The following PCDHA1 variants were observed in gnomAD, a reference collection of about 807,000 sequenced individuals.
The protein encoded by PCDHA1 is protocadherin alpha-1.
A neutral mutation model predicts 61.3 loss-of-function variants in PCDHA1; 42 were observed. That is an observed-to-expected ratio of 0.69 (90% confidence interval 0.54 to 0.89). PCDHA1 has a LOEUF of 0.89. Ranked by LOEUF, PCDHA1 falls within the 40% of genes least tolerant of loss-of-function variation. The probability of loss-of-function intolerance (pLI) is 0.00; values close to 1 mark genes in which losing one functional copy is unlikely to be tolerated. For missense variants in PCDHA1, 1,256 were observed against 1,235.3 expected, an observed-to-expected ratio of 1.02 and a Z score of -0.25; for synonymous variants, 610 against 553.8, an observed-to-expected ratio of 1.10 and a Z score of -1.43.
Position 140,858,304 on chromosome 5 carries a change from G to A in PCDHA1, c.2394+69620G>A, listed in dbSNP as rs1370473412. 5 of 1,597,320 alleles carry A rather than the reference G, an allele frequency of 3.1e-6. No homozygotes were observed. In the African/African-American group the frequency reaches 6.7e-5, roughly 21 times the overall value. ...GGAGCTGGTCTTACTCGCAGCAGAG[G>A]CGGCAGAGGGTGTGTTCTGGGGAGG... On this transcript the variant is annotated intron_variant, in intron 1 of 3. Transcript: ENST00000504120.
At chr5:140,800,150 G>A (rs569709959) in intron 1 of PCDHA1, among the ~76,000 whole-genome samples, 10 of 152,048 alleles carry the variant, frequency 6.6e-5, no homozygotes, top group Non-Finnish European at 1.3e-4. Context: ...AGTATATACA[G>A]GTAAATTCAA....
At chr5:140,949,181 A>G (rs2094350223) in intron 1 of PCDHA1, among the ~76,000 whole-genome samples, 2 of 151,604 alleles carry the variant, frequency 1.3e-5, no homozygotes, top group Non-Finnish European at 3.0e-5. Context: ...CAGAGAACAT[A>G]CTCTGCATGA....
intron 1 of PCDHA1, chr5:140,927,559 G>C: frequency 6.2e-7 from 1 of 1,614,170 alleles, no homozygotes; most frequent in Non-Finnish European, 8.5e-7. Flanking sequence ...CACCATCATT[G>C]TGGTGGACAC....
At chr5:140,823,924 T>A in intron 1 of PCDHA1, 1 of 1,613,970 alleles carries the variant, frequency 6.2e-7, no homozygotes, top group East Asian at 2.2e-5. Context: ...GCTGCTGCTG[T>A]ACACCGCGCT....
At chr5:140,865,558 T>C (rs991717581) in intron 1 of PCDHA1, 1 of 152,224 alleles carries the variant, frequency 6.6e-6, no homozygotes, top group Non-Finnish European at 1.5e-5. Flanking sequence ...AGAGCCAATA[T>C]TGATCAGTAA....
chr5:140,927,933 C>G (rs1273187123), intron 1 of PCDHA1: 2 of 1,614,208 alleles, frequency 1.2e-6, no homozygotes, highest in East Asian at 4.5e-5. Context: ...CTCTTTCGAA[C>G]CCAGTACCTG....
At chr5:140,836,614 C>G in intron 1 of PCDHA1, 1 of 1,613,584 alleles carries the variant, frequency 6.2e-7, no homozygotes, top group Non-Finnish European at 8.5e-7. Context: ...TGCTCCAGCG[C>G]GGTGGGGAGC....
chr5:140,850,081 A>G, intron 1 of PCDHA1: 1 of 1,596,386 alleles, frequency 6.3e-7, no homozygotes, highest in South Asian at 1.1e-5. Context: ...GAGGAGCTGG[A>G]GCTGCTACAG....
chr5:140,875,172 C>A (rs999085761), intron 1 of PCDHA1: 1 of 386,866 alleles, frequency 2.6e-6, no homozygotes. Context: ...AAAGTCGAAA[C>A]ATTAGAATTA....
chr5:140,966,953 C>A, intron 1 of PCDHA1: 1 of 1,603,802 alleles, frequency 6.2e-7, no homozygotes. Flanking sequence ...CAACGTGGCT[C>A]GCGCGCTGGG....
chr5:140,827,876 G>C (rs2150149560), intron 1 of PCDHA1: 2 of 646,280 alleles, frequency 3.1e-6, no homozygotes, highest in Non-Finnish European at 5.3e-6. Flanking sequence ...GCACTGTTAC[G>C]TGAATTGATT....
At chr5:140,835,924 GC>G (rs1243160712) in intron 1 of PCDHA1, 2 of 1,612,294 alleles carry the variant, frequency 1.2e-6, no homozygotes, top group Non-Finnish European at 1.7e-6. Flanking sequence ...CACGCGGAGA[GC>G]GGCAAGGTGT....
Position 140,809,179 on chromosome 5 carries a change from T to C in PCDHA1, c.2394+20495T>C, listed in dbSNP as rs782035761. 8.7e-6 allele frequency: 14 copies of C among 1,613,886 alleles called. No homozygotes were observed. In the African/African-American group the frequency reaches 9.3e-5, roughly 11 times the overall value. ...AGCCCGCGCTGACGGCCACGGCCAC[T>C]GTGCTGGTGTCACTTGTGGAGAGTG... On this transcript the variant is annotated intron_variant, in intron 1 of 3. Transcript: ENST00000504120.
chr5:140,793,359 A>G (rs1272541250), intron 1 of PCDHA1, among the ~76,000 whole-genome samples: 5 of 152,170 alleles, frequency 3.3e-5, no homozygotes, highest in Non-Finnish European at 5.9e-5. Flanking sequence ...TCTCTGGTTT[A>G]TTTTTGCTTA....
chr5:140,808,409 G>A (rs1554124521), intron 1 of PCDHA1: 1 of 1,614,154 alleles, frequency 6.2e-7, no homozygotes. Context: ...CTACTCGTTG[G>A]TGCTGGACAG....
At chr5:140,861,739 G>A (rs2047048069) in intron 1 of PCDHA1, 3 of 159,798 alleles carry the variant, frequency 1.9e-5, no homozygotes, top group Admixed American at 1.3e-4. Context: ...CTTACATACT[G>A]TGCCGCAATG....
At chr5:140,984,945 C>CA (rs1307962082) in intron 3 of PCDHA1, among the ~76,000 whole-genome samples, 2 of 149,212 alleles carry the variant, frequency 1.3e-5, no homozygotes, top group African/African-American at 4.9e-5. Flanking sequence ...AATGTCTAAT[C>CA]TTTTTTTTTT....
chr5:140,962,870 T>C (rs558640798), intron 1 of PCDHA1, among the ~76,000 whole-genome samples: 1 of 152,306 alleles, frequency 6.6e-6, no homozygotes, highest in Admixed American at 6.5e-5. Context: ...TAGAGCAACA[T>C]AAATACATGA....
chr5:140,877,949 A>G (rs1554170233), intron 1 of PCDHA1: 1 of 1,348,792 alleles, frequency 7.4e-7, no homozygotes, highest in East Asian at 2.6e-5. Flanking sequence ...AAACTATCGA[A>G]TGTCTCATCT....
Sources: allele counts gnomAD v4.1 joint callset (sites outside exome capture counted in the v4.1 genomes callset), GRCh38; gene constraint gnomAD v4.1.1; transcripts MANE v1.5; gene names NCBI Gene and HGNC (gene_info 2026-07-23, HGNC 2026-07-21).